NMD3: variants seen among roughly 807,000 people sequenced by gnomAD.
NMD3 encodes the protein NMD3 ribosome export adaptor.
Under a neutral mutation model 73.1 loss-of-function variants are expected in NMD3, and 47 were observed. The ratio of observed to expected loss-of-function variants is 0.64; its 90% CI spans 0.51 to 0.82. The LOEUF is 0.82. NMD3 is among the 40% of genes least tolerant of loss of function. The probability of loss-of-function intolerance (pLI) is 0.00; values close to 1 mark genes in which losing one functional copy is unlikely to be tolerated. For synonymous variants in NMD3, 210 were observed against 194.5 expected, an observed-to-expected ratio of 1.08 and a Z score of -0.66; for missense variants, 554 against 612.5, an observed-to-expected ratio of 0.90 and a Z score of 1.01.
rs200960558 is a variant in NMD3, at chr3:161,225,824, ATG to A, written c.179+774_179+775del. ...AAAATATTTACATACATGTATATAT[ATG>A]TGTGTGTGTGTGTATATATGTAAAA... On this transcript the variant is annotated intron_variant, in intron 3 of 15. Transcript: ENST00000351193. Among the ~76,000 whole-genome samples the A allele has an allele frequency of 9.7e-4, 148 of 151,946 alleles. 1 individual carries two copies. Among genetic ancestry groups the A allele is most frequent in the African/African-American group, 3.0e-3 (124 of 41,458 alleles).
intron 9 of NMD3, among the ~76,000 whole-genome samples, chr3:161,240,728 C>A (rs937199888): frequency 6.6e-6 from 1 of 151,370 alleles, no homozygotes; most frequent in Non-Finnish European, 1.5e-5. Flanking sequence ...GAGACAGGGT[C>A]TCCATATGTT....
chr3:161,229,206 G>A (rs1736442336), intron 4 of NMD3, among the ~76,000 whole-genome samples: 1 of 152,178 alleles, frequency 6.6e-6, no homozygotes, highest in Non-Finnish European at 1.5e-5. Flanking sequence ...TGAGTGTAAG[G>A]AGTATAGAGG....
At chr3:161,230,894 A>G (rs1021699414) in intron 4 of NMD3, among the ~76,000 whole-genome samples, 4 of 152,172 alleles carry the variant, frequency 2.6e-5, no homozygotes, top group Non-Finnish European at 5.9e-5. Flanking sequence ...ATGTTTGAGG[A>G]GAGAGCGGAA....
At chr3:161,247,464 T>C (rs1737265184) in intron 13 of NMD3, 134 bp downstream of exon 13, 1 of 512,146 alleles carries the variant, frequency 2.0e-6, no homozygotes, top group Admixed American at 3.4e-5. Context: ...AGATAAGGTA[T>C]AATAGCAAAA....
intron 7 of NMD3, among the ~76,000 whole-genome samples, chr3:161,237,302 C>T (rs935264116): frequency 1.3e-5 from 2 of 152,136 alleles, no homozygotes; most frequent in African/African-American, 4.8e-5. Flanking sequence ...TCTATAATCT[C>T]AGTTAACTCG....
chr3:161,243,093 G>A (rs912597383), intron 11 of NMD3, among the ~76,000 whole-genome samples: 1 of 152,106 alleles, frequency 6.6e-6, no homozygotes, highest in Non-Finnish European at 1.5e-5. Flanking sequence ...AGTCTACACA[G>A]TATTCTGCTC....
intron 13 of NMD3, 99 bp downstream of exon 13, chr3:161,247,429 T>C: frequency 1.5e-6 from 1 of 647,952 alleles, no homozygotes; most frequent in Non-Finnish European, 2.6e-6. Flanking sequence ...AAATAACAAA[T>C]CAATTTAGAG....
intron 9 of NMD3, among the ~76,000 whole-genome samples, chr3:161,240,009 T>C (rs911912036): frequency 5.3e-5 from 8 of 152,284 alleles, no homozygotes; most frequent in South Asian, 4.1e-4. Context: ...TTGAGAAATA[T>C]GAATTTAGGT....
chr3:161,229,671 A>G (rs562297801), intron 4 of NMD3, among the ~76,000 whole-genome samples: 4 of 152,232 alleles, frequency 2.6e-5, no homozygotes, highest in Admixed American at 1.3e-4. Context: ...AGGAGTTTAC[A>G]TAGAGAAGGA....
At chr3:161,244,755 C>CAGGT (rs1737133012) in intron 11 of NMD3, among the ~76,000 whole-genome samples, 1 of 151,400 alleles carries the variant, frequency 6.6e-6, no homozygotes, top group South Asian at 2.1e-4. Flanking sequence ...GTGATCTTAC[C>CAGGT]ACCTCAGCAT....
Position 161,234,828 on chromosome 3 carries a change from G to A in NMD3, c.459G>A (p.Trp153Ter). Reference sequence around the variant, plus strand: ...ATAGAGTAGAAGCTAAGGATTTCTGGAAGGCTGTGATTCAAGTGAGGCAAA... The same window carrying A: ...ATAGAGTAGAAGCTAAGGATTTCTGAAAGGCTGTGATTCAAGTGAGGCAAA... The part of the protein sequence containing the change: ...DCHRVEAKDF[W>*]KAVIQVRQKT... Residue 153 changes from tryptophan to a stop codon, truncating the protein, a stop_gained, in exon 6 of 16, where the codon TGG (tryptophan) becomes TGA (stop). Coordinates refer to ENST00000351193, the MANE Select transcript of NMD3 (RefSeq NM_015938.5). LOFTEE classifies it high-confidence loss of function. The A allele has an allele frequency of 1.2e-6, 2 of 1,613,378 alleles. No homozygotes were observed. The highest frequency in any genetic ancestry group is 1.7e-6 in the Non-Finnish European group (2 of 1,179,550).
At position 161,251,015 on chromosome 3, in the gene NMD3, GT is replaced by G; in HGVS notation, c.*109del. 1 of 846,504 alleles carries G rather than the reference GT, an allele frequency of 1.2e-6. No individual in the cohort carries two copies. The highest frequency in any genetic ancestry group is 1.8e-6 in the Non-Finnish European group (1 of 554,584). The allele number at this position is 846,504 out of a possible 1,614,324, so 52.4% of individuals were successfully genotyped here. Reference sequence around the variant, plus strand: ...TCCAGATTTCAAGAGGAGAAATTTAGTTTTAAACCTGAATAAACATGTTTGT... The same window carrying G: ...TCCAGATTTCAAGAGGAGAAATTTAGTTTAAACCTGAATAAACATGTTTGT... On this transcript the variant is annotated 3_prime_UTR_variant, in exon 16 of 16. Transcript: ENST00000351193.
chr3:161,238,093 G>C lies in NMD3; in HGVS notation c.578-20G>C. 1 of 1,364,820 alleles carries C rather than the reference G, an allele frequency of 7.3e-7. No homozygotes were observed. The highest frequency in any genetic ancestry group is 9.9e-7 in the Non-Finnish European group (1 of 1,007,134). The allele number at this position is 1,364,820 out of a possible 1,614,324, so 84.5% of individuals were successfully genotyped here. ...TATTTTGCATAATTATTTTCATAGG[G>C]CTTTTTTTTTTTTTTTAAGATGGTC... On this transcript the variant is annotated intron_variant, in intron 7 of 15. Transcript: ENST00000351193.
chr3:161,238,692 CTT>C, intron 8 of NMD3, 36 bp from the exon 9 acceptor site: 1 of 977,532 alleles, frequency 1.0e-6, no homozygotes, highest in East Asian at 2.4e-5. Context: ...GGTTAATGAT[CTT>C]TGTCTTTATA....
Position 161,238,714 on chromosome 3 carries a change from AC to A in NMD3, c.657-15del, listed in dbSNP as rs751472193. 2.4e-6 allele frequency: 3 copies of A among 1,225,798 alleles called. No homozygotes were observed. The highest frequency in any genetic ancestry group is 3.6e-6 in the Non-Finnish European group (3 of 829,062). 75.9% of individuals were successfully genotyped at this position (1,225,798 alleles called of 1,614,324 possible). On this transcript the variant is annotated splice_polypyrimidine_tract_variant and intron_variant, in intron 8 of 15. Coordinates refer to ENST00000351193, the MANE Select transcript of NMD3 (RefSeq NM_015938.5). ...GATCTTTGTCTTTATATTACTACTA[AC>A]TTTTTTCTTAATAGATACAAAGCAT...
intron 13 of NMD3, 81 bp from the exon 14 acceptor site, chr3:161,249,373 T>A (rs1414056124): frequency 1.2e-6 from 1 of 835,776 alleles, no homozygotes; most frequent in Admixed American, 2.6e-5. Context: ...ATTAGTTTGG[T>A]CATTTTTTAG....
At chr3:161,227,455 T>TG in intron 4 of NMD3, 112 bp downstream of exon 4, 1 of 640,046 alleles carries the variant, frequency 1.6e-6, no homozygotes, top group South Asian at 2.0e-5. Flanking sequence ...TTTTTTTTTT[T>TG]TTTTTGAGGT....
intron 2 of NMD3, among the ~76,000 whole-genome samples, chr3:161,222,390 G>C (rs988077837): frequency 1.3e-5 from 2 of 151,644 alleles, no homozygotes; most frequent in African/African-American, 4.8e-5. Context: ...CTGTTGCCCA[G>C]GCTGGAGTGC....
rs371671756 is a variant in NMD3 at position 161,246,488 on chromosome 3, G to A, written c.1130+40G>A. 120 of 861,774 alleles carry A rather than the reference G, an allele frequency of 1.4e-4. No individual in the cohort carries two copies. The Middle Eastern group carries it at 2.4e-3, about 17-fold the overall frequency. 53.4% of individuals were successfully genotyped at this position (861,774 alleles called of 1,614,324 possible). A position where few individuals can be genotyped will look rare whatever the true frequency, so the allele number is the denominator to read the frequency against. ...ATATTTTAAACTGCCAATTAGGATT[G>A]CAAATTTTCTTTGGGAACCAGCAAA... On this transcript the variant is annotated intron_variant, in intron 12 of 15. Transcript: ENST00000351193.
Sources: allele counts gnomAD v4.1 joint callset (sites outside exome capture counted in the v4.1 genomes callset), GRCh38; gene constraint gnomAD v4.1.1; transcripts MANE v1.5; gene names NCBI Gene and HGNC (gene_info 2026-07-23, HGNC 2026-07-21).